YEATS4: variants seen among roughly 807,000 people sequenced by gnomAD.
YEATS4 encodes YEATS domain-containing protein 4.
In YEATS4, 17 loss-of-function variants were observed where a neutral mutation model predicts 30.1. The observed-to-expected ratio is 0.56, with a 90% CI of 0.39 to 0.85. YEATS4 has a LOEUF of 0.85. Among genes scored for constraint, YEATS4 ranks in the 40% least tolerant of loss-of-function variants. YEATS4 has a pLI of 0.00. For synonymous variants in YEATS4, 85 were observed against 87.5 expected, an observed-to-expected ratio of 0.97 and a Z score of 0.16; for missense variants, 142 against 268.3, an observed-to-expected ratio of 0.53 and a Z score of 3.29.
intron 4 of YEATS4, 32 bp from the exon 5 acceptor site, chr12:69,370,674 G>A: frequency 6.7e-7 from 1 of 1,481,754 alleles, no homozygotes. Context: ...AAAAACCATT[G>A]CACAGATTTG....
At chr12:69,391,518 C>T (rs1405053879), downstream of YEATS4, among the ~76,000 whole-genome samples, 1 of 152,098 alleles carries the variant, frequency 6.6e-6, no homozygotes, top group Admixed American at 6.5e-5. Flanking sequence ...AACAAAAATA[C>T]TTTTTTATCT....
chr12:69,417,962 A>G, the YEATS4 span, among the ~76,000 whole-genome samples: 4 of 152,156 alleles, frequency 2.6e-5, no homozygotes, highest in African/African-American at 9.7e-5. Context: ...ATTTCAGTTA[A>G]GATGATCAAA....
the YEATS4 span, among the ~76,000 whole-genome samples, chr12:69,416,207 C>T: frequency 2.0e-5 from 3 of 152,194 alleles, no homozygotes; most frequent in Non-Finnish European, 4.4e-5. Flanking sequence ...AAAGAGCAAA[C>T]AGGCACTAAG....
chr12:69,401,768 T>G, the YEATS4 span, among the ~76,000 whole-genome samples: 1 of 152,340 alleles, frequency 6.6e-6, no homozygotes, highest in African/African-American at 2.4e-5. Context: ...TTAAATGTAC[T>G]CTGAGGTTTC....
the YEATS4 span, among the ~76,000 whole-genome samples, chr12:69,400,537 G>A: frequency 6.6e-6 from 1 of 151,578 alleles, no homozygotes; most frequent in Non-Finnish European, 1.5e-5. Context: ...AATACAAATG[G>A]TAATTAATAA....
chr12:69,379,391 A>T (rs968540984), intron 6 of YEATS4, among the ~76,000 whole-genome samples: 1 of 151,736 alleles, frequency 6.6e-6, no homozygotes, highest in African/African-American at 2.4e-5. Context: ...ATTAAGGTCA[A>T]TAACTCTTAG....
At chr12:69,408,988 C>T in the YEATS4 span, among the ~76,000 whole-genome samples, 6 of 152,272 alleles carry the variant, frequency 3.9e-5, no homozygotes, top group African/African-American at 4.8e-5. Flanking sequence ...TACTGGATTT[C>T]GCTGAGGCTC....
chr12:69,370,764 A>G lies in YEATS4; in HGVS notation c.392A>G (p.Lys131Arg). 1.3e-6 allele frequency: 2 copies of G among 1,599,178 alleles called. No individual in the cohort carries two copies. The highest frequency in any genetic ancestry group is 1.7e-4 in the Middle Eastern group (1 of 5,964). The part of the protein sequence containing the change: ...FQSDTNAMLG[K>R]KTVVSEFYDE... Reference sequence around the variant, plus strand: ...TCAGACACCAATGCAATGCTGGGGAAAAAGACAGTGGTTTCAGAGTTCTAT... The same window carrying G: ...TCAGACACCAATGCAATGCTGGGGAGAAAGACAGTGGTTTCAGAGTTCTAT... The change falls in exon 5 of 7, where the codon AAA (lysine) becomes AGA (arginine). Residue 131 changes from lysine (K) to arginine (R), a missense_variant. Transcript: ENST00000247843.
intron 6 of YEATS4, among the ~76,000 whole-genome samples, chr12:69,388,612 T>A (rs1868280740): frequency 6.6e-6 from 1 of 152,244 alleles, no homozygotes; most frequent in Admixed American, 6.5e-5. Context: ...TTGTAAAACA[T>A]CATGCTACAT....
At chr12:69,385,078 C>G (rs536085441) in intron 6 of YEATS4, among the ~76,000 whole-genome samples, 2 of 152,008 alleles carry the variant, frequency 1.3e-5, no homozygotes, top group African/African-American at 2.4e-5. Flanking sequence ...GTGTCATGAT[C>G]GTAGCTCACT....
chr12:69,422,654 AAAC>A, the YEATS4 span: 1 of 152,048 alleles, frequency 6.6e-6, no homozygotes, highest in Non-Finnish European at 1.5e-5. Flanking sequence ...AAAAAAAAAA[AAAC>A]AAGAAAAAGA....
At chr12:69,426,376 T>C in the YEATS4 span, among the ~76,000 whole-genome samples, 206 of 152,290 alleles carry the variant, frequency 1.4e-3, 1 homozygote, top group Admixed American at 2.4e-3. Context: ...TCAGTTTAAA[T>C]TCTTTTTCTT....
Position 69,365,663 on chromosome 12 carries a change from T to C in YEATS4, c.202T>C (p.Phe68Leu), listed in dbSNP as rs1875400340. Reference protein sequence around the residue: ...DMSAYVKKIQFKLHESYGNPL... With the variant: ...DMSAYVKKIQLKLHESYGNPL... ...GTCAGCATATGTGAAGAAAATCCAGTTTAAATTACATGAAAGCTATGGCAA... is the reference window on the plus strand; with the variant it reads ...GTCAGCATATGTGAAGAAAATCCAGCTTAAATTACATGAAAGCTATGGCAA... The change falls in exon 3 of 7, where the codon TTT becomes CTT. Residue 68 changes from phenylalanine (F) to leucine (L), a missense_variant. Physicochemically the swap from Phe to Leu is conservative, Grantham distance 22. Around this residue, in one of 3 missense-constraint regions of YEATS4, gnomAD observed 64 missense variants for 164.0 expected, o/e 0.39. Transcript: ENST00000247843. 3 of 1,611,768 alleles carry C rather than the reference T, an allele frequency of 1.9e-6. No individual in the cohort carries two copies. The South Asian group carries it at 3.3e-5, about 18-fold the overall frequency.
At chr12:69,367,955 A>G (rs1458805408) in intron 4 of YEATS4, among the ~76,000 whole-genome samples, 4 of 152,174 alleles carry the variant, frequency 2.6e-5, no homozygotes, top group African/African-American at 4.8e-5. Flanking sequence ...AAATAAATCT[A>G]TGAAAGAAAT....
chr12:69,376,921 C>T (rs368558778), intron 6 of YEATS4, among the ~76,000 whole-genome samples: 52 of 152,218 alleles, frequency 3.4e-4, no homozygotes, highest in African/African-American at 1.2e-3. Flanking sequence ...CTTCATGATT[C>T]AATCTTGGTA....
At chr12:69,368,702 T>C (rs999048337) in intron 4 of YEATS4, among the ~76,000 whole-genome samples, 4 of 152,190 alleles carry the variant, frequency 2.6e-5, no homozygotes, top group African/African-American at 7.2e-5. Context: ...TTCCAAAGCC[T>C]TTAGGGGAGC....
At chr12:69,404,643 G>A in the YEATS4 span, among the ~76,000 whole-genome samples, 81 of 152,282 alleles carry the variant, frequency 5.3e-4, no homozygotes, top group Admixed American at 1.0e-3. Context: ...AACCATGAGC[G>A]AAATATATGC....
the YEATS4 span, among the ~76,000 whole-genome samples, chr12:69,409,766 A>G: frequency 6.6e-6 from 1 of 152,186 alleles, no homozygotes; most frequent in Non-Finnish European, 1.5e-5. Context: ...TTTGGACATA[A>G]CATCTAAACA....
the YEATS4 span, among the ~76,000 whole-genome samples, chr12:69,406,520 G>C: frequency 1.3e-5 from 2 of 152,062 alleles, no homozygotes; most frequent in African/African-American, 4.8e-5. Context: ...ATAGAGATAA[G>C]TTTTCACCAT....
Sources: gnomAD v4.1 joint callset for allele counts (sites outside exome capture counted in the v4.1 genomes callset) on GRCh38, gnomAD v4.1.1 for gene constraint, gnomAD v4.1.1 regional missense constraint, MANE v1.5 for transcripts, NCBI Gene and HGNC (gene_info 2026-07-23, HGNC 2026-07-21) for gene names.